Variants in FTO observed in about 807,000 individuals in gnomAD.
FTO encodes the protein FTO alpha-ketoglutarate dependent dioxygenase, also known as alpha-ketoglutarate-dependent dioxygenase FTO.
In FTO, 47 loss-of-function variants were observed where a neutral mutation model predicts 63.9. The ratio of observed to expected loss-of-function variants is 0.74; its 90% CI spans 0.58 to 0.94. The LOEUF is 0.94. Among genes scored for constraint, FTO ranks in the 40% least tolerant of loss-of-function variants. The pLI is 0.00. For synonymous variants in FTO, 207 were observed against 224.4 expected, an observed-to-expected ratio of 0.92 and a Z score of 0.69; for missense variants, 562 against 618.1, an observed-to-expected ratio of 0.91 and a Z score of 0.96.
intron 8 of FTO, among the ~76,000 whole-genome samples, chr16:53,967,749 A>C (rs1474207353): frequency 1.3e-5 from 2 of 152,250 alleles, no homozygotes; most frequent in African/African-American, 4.8e-5. Flanking sequence ...GAAGTAAAAC[A>C]GTTTTAATTT....
chr16:53,954,999 C>G (rs1369905268), intron 8 of FTO, among the ~76,000 whole-genome samples: 2 of 152,062 alleles, frequency 1.3e-5, no homozygotes, highest in Non-Finnish European at 2.9e-5. Flanking sequence ...CTAATTTCAC[C>G]CAAGTTACCA....
At chr16:53,865,980 C>T (rs983549343) in intron 4 of FTO, among the ~76,000 whole-genome samples, 1 of 152,140 alleles carries the variant, frequency 6.6e-6, no homozygotes. Context: ...TTTTCTTACT[C>T]TGAGCAGAAA....
At position 53,760,624 on chromosome 16, in the gene FTO, T is replaced by TC. The variant is rs200351436; in HGVS notation, c.46-49516_46-49515insC. Among the ~76,000 whole-genome samples the TC allele has an allele frequency of 4.5e-4, 65 of 143,926 alleles. 1 individual carries two copies. The highest frequency in any genetic ancestry group is 6.9e-4 in the African/African-American group (27 of 39,074). The allele number at this position is 143,926 out of a possible 152,430, so 94.4% of individuals were successfully genotyped here. On this transcript the variant is annotated intron_variant, in intron 1 of 8. Transcript: ENST00000471389. ...ACATCTCTCATCTGCTTGCTTTCTT[T>TC]TTTTTTTTTTTTTTTTTCCTGAGAC...
At chr16:53,861,929 G>A (rs1196300383) in intron 4 of FTO, among the ~76,000 whole-genome samples, 3 of 152,012 alleles carry the variant, frequency 2.0e-5, no homozygotes, top group Non-Finnish European at 2.9e-5. Context: ...ATTGGCTATA[G>A]GATTCTTAAG....
chr16:53,983,227 CAACTT>C (rs762188040), intron 8 of FTO, among the ~76,000 whole-genome samples: 7 of 152,082 alleles, frequency 4.6e-5, no homozygotes, highest in Non-Finnish European at 8.8e-5. Flanking sequence ...GTCTGATACT[CAACTT>C]TTTTAACAAA....
At chr16:53,777,886 CAGCTATTTTTTCA>C (rs1295658955) in intron 1 of FTO, among the ~76,000 whole-genome samples, 3 of 152,152 alleles carry the variant, frequency 2.0e-5, no homozygotes, top group Admixed American at 2.0e-4. Flanking sequence ...AAATGTCAGT[CAGCTATTTTTTCA>C]AGTAAAAATG....
At chr16:53,763,669 A>G (rs2077125322) in intron 1 of FTO, among the ~76,000 whole-genome samples, 1 of 152,196 alleles carries the variant, frequency 6.6e-6, no homozygotes, top group Non-Finnish European at 1.5e-5. Context: ...TCAAGGTAGT[A>G]ATGTTGGAAG....
At chr16:53,786,716 G>A (rs546338783) in intron 1 of FTO, among the ~76,000 whole-genome samples, 1 of 152,092 alleles carries the variant, frequency 6.6e-6, no homozygotes. Context: ...CAAATAGCTG[G>A]TACCCTGAAG....
At chr16:53,926,344 C>T (rs1276178783) in intron 7 of FTO, among the ~76,000 whole-genome samples, 2 of 152,194 alleles carry the variant, frequency 1.3e-5, no homozygotes, top group Non-Finnish European at 2.9e-5. Flanking sequence ...GAATAGTGCT[C>T]TCTGGCCTGA....
intron 8 of FTO, among the ~76,000 whole-genome samples, chr16:54,109,887 G>C (rs1286016736): frequency 6.6e-6 from 1 of 152,104 alleles, no homozygotes; most frequent in African/African-American, 2.4e-5. Flanking sequence ...CCTTTAATCT[G>C]CCAGCCAGGA....
chr16:54,083,834 C>T (rs1162143965), intron 8 of FTO, among the ~76,000 whole-genome samples: 2 of 152,234 alleles, frequency 1.3e-5, no homozygotes, highest in African/African-American at 4.8e-5. Context: ...TCTTTTGTTC[C>T]TCTGGTGGAA....
At chr16:53,906,683 A>G (rs2081548004) in intron 7 of FTO, among the ~76,000 whole-genome samples, 1 of 152,178 alleles carries the variant, frequency 6.6e-6, no homozygotes, top group Non-Finnish European at 1.5e-5. Flanking sequence ...GGACATGAGA[A>G]AAGAGTGGCT....
At chr16:54,005,455 T>G (rs2084179571) in intron 8 of FTO, among the ~76,000 whole-genome samples, 1 of 150,760 alleles carries the variant, frequency 6.6e-6, no homozygotes, top group Non-Finnish European at 1.5e-5. Context: ...TGTTATATTA[T>G]TACTTATCCT....
At chr16:54,038,319 C>A (rs2084991609) in intron 8 of FTO, among the ~76,000 whole-genome samples, 1 of 152,144 alleles carries the variant, frequency 6.6e-6, no homozygotes. Flanking sequence ...AGAACGTTTC[C>A]AGTGTTTAGA....
rs115189728 is a variant in FTO, at chr16:53,934,632, A to G, written c.1364+523A>G. Among the ~76,000 whole-genome samples, 934 of 152,258 alleles carry G rather than the reference A, an allele frequency of 6.1e-3. 7 individuals carry two copies. Among genetic ancestry groups the G allele is most frequent in the Middle Eastern group, 0.024 (7 of 294 alleles). Reference sequence around the variant, plus strand: ...ATAGCCTACTATACACCTAGGCTATATGGTGTCGTCTGTTGCTCGGGGGCT... The same window carrying G: ...ATAGCCTACTATACACCTAGGCTATGTGGTGTCGTCTGTTGCTCGGGGGCT... On this transcript the variant is annotated intron_variant, in intron 8 of 8. Coordinates refer to ENST00000471389, the MANE Select transcript of FTO (RefSeq NM_001080432.3).
In FTO at chr16:54,114,187, C is replaced by A. The variant is rs2062201793; in HGVS notation, c.*2272C>A. 6.6e-6 allele frequency: 1 copy of A among 152,230 alleles called. No homozygotes were observed. The highest frequency in any genetic ancestry group is 2.1e-4 in the South Asian group (1 of 4,830). 9.4% of individuals were successfully genotyped at this position (152,230 alleles called of 1,614,324 possible). ...GCATGGCAGCAAGCTAAATAAGCAT[C>A]TTCCCACTGCGAGTTGGGGCATGAC... On this transcript the variant is annotated 3_prime_UTR_variant, in exon 9 of 9. Coordinates refer to ENST00000471389, the MANE Select transcript of FTO (RefSeq NM_001080432.3).
intron 1 of FTO, among the ~76,000 whole-genome samples, chr16:53,750,026 T>C (rs2035766432): frequency 6.6e-6 from 1 of 152,158 alleles, no homozygotes; most frequent in African/African-American, 2.4e-5. Context: ...GAAATAACAT[T>C]GGTGAAAACA....
intron 2 of FTO, among the ~76,000 whole-genome samples, chr16:53,815,653 T>C (rs1276573051): frequency 7.5e-5 from 4 of 53,572 alleles, no homozygotes; most frequent in Non-Finnish European, 1.7e-4. Context: ...TTTTTTTTTT[T>C]TTTTTTTTTT....
intron 8 of FTO, among the ~76,000 whole-genome samples, chr16:53,942,723 T>C (rs2082559774): frequency 1.3e-5 from 2 of 152,326 alleles, no homozygotes; most frequent in African/African-American, 2.4e-5. Flanking sequence ...TCACAAAAAG[T>C]GGAGCTCCTC....
Sources: allele counts gnomAD v4.1 joint callset (sites outside exome capture counted in the v4.1 genomes callset), GRCh38; gene constraint gnomAD v4.1.1; transcripts MANE v1.5; gene names NCBI Gene and HGNC (gene_info 2026-07-23, HGNC 2026-07-21).